The following ADGRL2 variants were observed in gnomAD, a reference collection of about 807,000 sequenced individuals.
ADGRL2 encodes adhesion G protein-coupled receptor L2.
Under a neutral mutation model 157.4 loss-of-function variants are expected in ADGRL2, and 44 were observed. The observed-to-expected ratio is 0.28, with a 90% CI of 0.22 to 0.36. The LOEUF (loss-of-function observed/expected upper bound fraction) is 0.36, where lower values mean the gene tolerates loss of function less well. Ranked by LOEUF, ADGRL2 falls within the 10% of genes least tolerant of loss-of-function variation. The pLI is 1.00. For missense variants in ADGRL2, 1,510 were observed against 1,768.9 expected, an observed-to-expected ratio of 0.85 and a Z score of 2.63; for synonymous variants, 585 against 624.7, an observed-to-expected ratio of 0.94 and a Z score of 0.95.
chr1:81,447,253 G>T (rs1186934704), intron 2 of ADGRL2, among the ~76,000 whole-genome samples: 2 of 152,018 alleles, frequency 1.3e-5, no homozygotes, highest in African/African-American at 2.4e-5. Flanking sequence ...ATATAATTCA[G>T]TAAACATAGT....
chr1:81,496,911 C>G (rs976784537), intron 2 of ADGRL2, among the ~76,000 whole-genome samples: 2 of 151,928 alleles, frequency 1.3e-5, no homozygotes, highest in Non-Finnish European at 2.9e-5. Context: ...TTTTCCTTTT[C>G]TGGGTTGGCT....
At chr1:81,859,383 G>A (rs1456541030) in intron 2 of ADGRL2, among the ~76,000 whole-genome samples, 1 of 149,092 alleles carries the variant, frequency 6.7e-6, no homozygotes, top group Non-Finnish European at 1.5e-5. Context: ...TCTCATGTAA[G>A]TAAAATGACC....
intron 2 of ADGRL2, among the ~76,000 whole-genome samples, chr1:81,487,874 T>C (rs145337990): frequency 6.6e-6 from 1 of 152,292 alleles, no homozygotes; most frequent in African/African-American, 2.4e-5. Context: ...CTCATAAATA[T>C]TTAGAAACTG....
intron 1 of ADGRL2, among the ~76,000 whole-genome samples, chr1:81,741,689 A>G (rs1274671483): frequency 6.6e-6 from 1 of 152,022 alleles, no homozygotes; most frequent in Non-Finnish European, 1.5e-5. Context: ...TTTCTAACCA[A>G]GAGGACTGCA....
intron 2 of ADGRL2, among the ~76,000 whole-genome samples, chr1:81,888,906 T>G (rs1427962469): frequency 6.6e-6 from 1 of 152,214 alleles, no homozygotes; most frequent in Admixed American, 6.5e-5. Context: ...TCTGTTATGG[T>G]GATCTGTAAT....
chr1:81,425,398 A>G (rs1570932796), intron 1 of ADGRL2, among the ~76,000 whole-genome samples: 1 of 117,458 alleles, frequency 8.5e-6, no homozygotes, highest in East Asian at 2.1e-4. Context: ...AAGAGCAGAT[A>G]TTAGAACCAA....
chr1:81,505,122 A>G (rs997026124), intron 2 of ADGRL2: 149 of 435,538 alleles, frequency 3.4e-4, no homozygotes, highest in Non-Finnish European at 5.5e-4. Context: ...GCACAAACAG[A>G]TACCTCAGCC....
intron 2 of ADGRL2, among the ~76,000 whole-genome samples, chr1:81,548,221 CTTCCT>C (rs1168790058): frequency 6.6e-6 from 1 of 152,052 alleles, no homozygotes; most frequent in Non-Finnish European, 1.5e-5. Context: ...GTGCAATTCT[CTTCCT>C]TTCTTTTTTT....
chr1:81,951,948 T>C lies in ADGRL2; in HGVS notation c.1609-9T>C, dbSNP rs758411936. 9 of 1,589,510 alleles carry C rather than the reference T, an allele frequency of 5.7e-6. No homozygotes were observed. In the Admixed American group the frequency reaches 1.3e-4, roughly 22 times the overall value. On this transcript the variant is annotated splice_polypyrimidine_tract_variant and intron_variant, in intron 8 of 23. Coordinates refer to ENST00000686636, the MANE Select transcript of ADGRL2 (RefSeq NM_001366006.2). ...AATTTAAATGAGATAATACAAATTGTTTTTTCAGATCAGAAGCGGAGAAAA... is the reference window on the plus strand; with the variant it reads ...AATTTAAATGAGATAATACAAATTGCTTTTTCAGATCAGAAGCGGAGAAAA...
intron 2 of ADGRL2, among the ~76,000 whole-genome samples, chr1:81,560,947 C>T (rs558164966): frequency 1.4e-4 from 21 of 152,286 alleles, no homozygotes; most frequent in African/African-American, 5.1e-4. Context: ...GCACCAGACA[C>T]AATCCCGCCT....
intron 1 of ADGRL2, among the ~76,000 whole-genome samples, chr1:81,723,376 A>G (rs1292670091): frequency 6.6e-6 from 1 of 152,220 alleles, no homozygotes; most frequent in Non-Finnish European, 1.5e-5. Flanking sequence ...ATGTTTTCCT[A>G]CTAGGAATTA....
At chr1:81,391,921 T>A (rs10874233) in intron 1 of ADGRL2, among the ~76,000 whole-genome samples, 64,893 of 152,002 alleles carry the variant, frequency 0.43, 15,218 homozygotes, top group East Asian at 0.87. Context: ...TTATAAGTAC[T>A]TTACCTACTA....
chr1:81,643,946 G>A (rs1047421534), intron 3 of ADGRL2, among the ~76,000 whole-genome samples: 1 of 152,152 alleles, frequency 6.6e-6, no homozygotes, highest in Non-Finnish European at 1.5e-5. Context: ...AGAGAACAAA[G>A]TTGAAGGACT....
chr1:81,679,558 C>G (rs2083066073), intron 3 of ADGRL2, among the ~76,000 whole-genome samples: 2 of 152,172 alleles, frequency 1.3e-5, no homozygotes, highest in South Asian at 4.1e-4. Flanking sequence ...GAAGCCTATA[C>G]CTGGTCCACA....
chr1:81,597,753 C>A (rs911024117), intron 3 of ADGRL2, among the ~76,000 whole-genome samples: 7 of 152,092 alleles, frequency 4.6e-5, no homozygotes, highest in African/African-American at 1.7e-4. Flanking sequence ...CCCAATAAAC[C>A]CATCAAAAGG....
chr1:81,702,792 A>G (rs546749218), intron 1 of ADGRL2, among the ~76,000 whole-genome samples: 4 of 152,360 alleles, frequency 2.6e-5, no homozygotes, highest in South Asian at 2.1e-4. Flanking sequence ...GCTTTTGCCT[A>G]TAAGAAATGA....
chr1:81,987,504 G>T, intron 22 of ADGRL2: 1 of 642,974 alleles, frequency 1.6e-6, no homozygotes. Flanking sequence ...CAGCTTTATG[G>T]TAGTTTTCTT....
chr1:81,364,231 GC>G (rs1315529933), intron 1 of ADGRL2, among the ~76,000 whole-genome samples: 6 of 150,274 alleles, frequency 4.0e-5, no homozygotes, highest in African/African-American at 1.2e-4. Flanking sequence ...TTATGGCTTT[GC>G]CTTGGTCTAG....
chr1:81,433,336 A>G (rs753344347), intron 1 of ADGRL2, among the ~76,000 whole-genome samples: 50 of 152,188 alleles, frequency 3.3e-4, no homozygotes, highest in Non-Finnish European at 8.8e-5. Context: ...ATTTTTCTTA[A>G]GATTCCAATC....
Sources: gnomAD v4.1 joint callset for allele counts (sites outside exome capture counted in the v4.1 genomes callset) on GRCh38, gnomAD v4.1.1 for gene constraint, MANE v1.5 for transcripts, NCBI Gene and HGNC (gene_info 2026-07-23, HGNC 2026-07-21) for gene names.